The following UBE2E2 variants were observed in gnomAD, a reference collection of about 807,000 sequenced individuals.
UBE2E2 encodes the protein ubiquitin-conjugating enzyme E2 E2.
In UBE2E2, 6 loss-of-function variants were observed where a neutral mutation model predicts 24.7. The observed-to-expected ratio is 0.24, with a 90% CI of 0.13 to 0.48. The LOEUF is 0.48. UBE2E2 is among the 20% of genes least tolerant of loss of function. The probability of loss-of-function intolerance (pLI) is 0.99; values close to 1 mark genes in which losing one functional copy is unlikely to be tolerated. For missense variants in UBE2E2, 169 were observed against 245.0 expected (o/e 0.69, Z 2.07); for synonymous variants, 104 against 83.6 (o/e 1.24, Z -1.33).
In UBE2E2 at chr3:23,591,619, G is replaced by C. The variant is rs1696765145; in HGVS notation, c.*1788G>C. ...AGACAGTACATAAATGCATTGGGCAGAGCTATATTCCAGTGAAACTTTATT... is the reference window on the plus strand; with the variant it reads ...AGACAGTACATAAATGCATTGGGCACAGCTATATTCCAGTGAAACTTTATT... On this transcript the variant is annotated 3_prime_UTR_variant, in exon 6 of 6. Transcript: ENST00000396703. 6.6e-6 allele frequency: 1 copy of C among 152,212 alleles called. No homozygotes were observed. The highest frequency in any genetic ancestry group is 1.5e-5 in the Non-Finnish European group (1 of 68,048). 9.4% of individuals were successfully genotyped at this position (152,212 alleles called of 1,614,324 possible). A position where few individuals can be genotyped will look rare whatever the true frequency, so the allele number is the denominator to read the frequency against.
At chr3:23,240,228 C>T (rs78889096) in intron 3 of UBE2E2, among the ~76,000 whole-genome samples, 1,947 of 152,240 alleles carry the variant, frequency 0.013, 42 homozygotes, top group African/African-American at 0.044. Flanking sequence ...TCCTTCCTTT[C>T]GCCCAATTTT....
intron 3 of UBE2E2, among the ~76,000 whole-genome samples, chr3:23,328,775 C>T (rs1489617381): frequency 6.6e-6 from 1 of 151,992 alleles, no homozygotes; most frequent in Non-Finnish European, 1.5e-5. Context: ...GATTCTCCTG[C>T]CTCAGCCTCC....
At chr3:23,409,365 A>T (rs1298732873) in intron 3 of UBE2E2, among the ~76,000 whole-genome samples, 1 of 152,228 alleles carries the variant, frequency 6.6e-6, no homozygotes, top group African/African-American at 2.4e-5. Flanking sequence ...CACACAAAAT[A>T]ATCAAGTATT....
chr3:23,299,855 C>G (rs534497116), intron 3 of UBE2E2, among the ~76,000 whole-genome samples: 1 of 152,108 alleles, frequency 6.6e-6, no homozygotes, highest in Non-Finnish European at 1.5e-5. Context: ...CTTTCTGTCT[C>G]GTTGATCTGT....
chr3:23,215,463 T>C (rs917348782), intron 2 of UBE2E2, among the ~76,000 whole-genome samples: 11 of 152,118 alleles, frequency 7.2e-5, no homozygotes, highest in African/African-American at 2.7e-4. Flanking sequence ...TCACCCCCAA[T>C]GTCTGATACT....
At chr3:23,303,892 C>T (rs1230436309) in intron 3 of UBE2E2, among the ~76,000 whole-genome samples, 1 of 152,198 alleles carries the variant, frequency 6.6e-6, no homozygotes, top group Non-Finnish European at 1.5e-5. Flanking sequence ...GTTAACCCTG[C>T]TCTCCTGGGC....
intron 3 of UBE2E2, among the ~76,000 whole-genome samples, chr3:23,386,923 A>G (rs1163428836): frequency 6.6e-6 from 1 of 152,162 alleles, no homozygotes; most frequent in Non-Finnish European, 1.5e-5. Flanking sequence ...AATTCCTGTT[A>G]ATAGTGGTCC....
intron 3 of UBE2E2, among the ~76,000 whole-genome samples, chr3:23,292,903 G>C (rs1440869054): frequency 6.6e-6 from 1 of 152,102 alleles, no homozygotes; most frequent in East Asian, 1.9e-4. Context: ...GTGAAACCCC[G>C]TCTCTACTAA....
At chr3:23,499,497 A>C in intron 3 of UBE2E2, 111 bp from the exon 4 acceptor site, 6 of 1,344,466 alleles carry the variant, frequency 4.5e-6, no homozygotes, top group South Asian at 1.5e-5. Context: ...TTAACTGATT[A>C]ACTTTTTGTG....
intron 3 of UBE2E2, among the ~76,000 whole-genome samples, chr3:23,307,222 T>G (rs1156391784): frequency 6.6e-6 from 1 of 152,168 alleles, no homozygotes; most frequent in Non-Finnish European, 1.5e-5. Context: ...TTCATAGCTG[T>G]CAATGTCTTC....
chr3:23,482,030 G>T (rs969450123), intron 3 of UBE2E2, among the ~76,000 whole-genome samples: 1 of 152,162 alleles, frequency 6.6e-6, no homozygotes, highest in Non-Finnish European at 1.5e-5. Context: ...TTCTATAAAT[G>T]TTTTACAACA....
chr3:23,305,723 C>G (rs558757425), intron 3 of UBE2E2, among the ~76,000 whole-genome samples: 28 of 152,038 alleles, frequency 1.8e-4, no homozygotes, highest in Admixed American at 1.7e-3. Flanking sequence ...ATGTAGTAAC[C>G]ATTCTTTTTA....
At chr3:23,213,686 GTCT>G (rs1696389559) in intron 2 of UBE2E2, among the ~76,000 whole-genome samples, 1 of 152,092 alleles carries the variant, frequency 6.6e-6, no homozygotes, top group African/African-American at 2.4e-5. Context: ...GATGAGGGAA[GTCT>G]TCTTGTTTGA....
At chr3:23,333,791 G>C (rs1483303716) in intron 3 of UBE2E2, among the ~76,000 whole-genome samples, 1 of 152,022 alleles carries the variant, frequency 6.6e-6, no homozygotes, top group African/African-American at 2.4e-5. Flanking sequence ...AGATATATCT[G>C]ATATATGTCT....
At chr3:23,437,361 C>A (rs1448037913) in intron 3 of UBE2E2, among the ~76,000 whole-genome samples, 1 of 152,162 alleles carries the variant, frequency 6.6e-6, no homozygotes, top group Non-Finnish European at 1.5e-5. Context: ...CCACTTAATA[C>A]CTGTGTAATT....
chr3:23,323,161 T>C (rs1027973946), intron 3 of UBE2E2, among the ~76,000 whole-genome samples: 2 of 152,168 alleles, frequency 1.3e-5, no homozygotes, highest in African/African-American at 4.8e-5. Flanking sequence ...TATATGTTAT[T>C]ATATTTGATC....
chr3:23,226,246 T>G (rs917040163), intron 3 of UBE2E2, among the ~76,000 whole-genome samples: 1 of 148,696 alleles, frequency 6.7e-6, no homozygotes, highest in Middle Eastern at 3.4e-3. Context: ...GGGGGTTATT[T>G]TTTGAAATTA....
At chr3:23,454,796 A>G (rs1478983955) in intron 3 of UBE2E2, among the ~76,000 whole-genome samples, 1 of 152,230 alleles carries the variant, frequency 6.6e-6, no homozygotes, top group Non-Finnish European at 1.5e-5. Context: ...ACTAAAATAA[A>G]AGACTACCTC....
chr3:23,381,124 T>C (rs1177084777), intron 3 of UBE2E2, among the ~76,000 whole-genome samples: 1 of 152,228 alleles, frequency 6.6e-6, no homozygotes, highest in Non-Finnish European at 1.5e-5. Context: ...TTAGATAATC[T>C]TCTTATAAAT....
Sources: gnomAD v4.1 joint callset for allele counts (sites outside exome capture counted in the v4.1 genomes callset) on GRCh38, gnomAD v4.1.1 for gene constraint, MANE v1.5 for transcripts, NCBI Gene and HGNC (gene_info 2026-07-23, HGNC 2026-07-21) for gene names.